MOB3B: variants seen among roughly 807,000 people sequenced by gnomAD.
MOB3B encodes the protein MOB kinase activator-like 2B.
A neutral mutation model predicts 18.7 loss-of-function variants in MOB3B; 7 were observed. That is an observed-to-expected ratio of 0.37 (90% CI 0.21 to 0.70). MOB3B has a LOEUF of 0.70. Ranked by LOEUF, MOB3B falls within the 30% of genes least tolerant of loss-of-function variation. The pLI, the probability that MOB3B is intolerant of heterozygous loss-of-function variation, is 0.52. For missense variants in MOB3B, 253 were observed against 281.3 expected (o/e 0.90, Z 0.72); for synonymous variants, 111 against 99.9 (o/e 1.11, Z -0.66).
intron 2 of MOB3B, among the ~76,000 whole-genome samples, chr9:27,391,139 C>T (rs549828966): frequency 7.9e-5 from 12 of 152,210 alleles, no homozygotes; most frequent in Non-Finnish European, 1.6e-4. Context: ...ACCCTTTACT[C>T]ACACCTACTC....
intron 2 of MOB3B, among the ~76,000 whole-genome samples, chr9:27,441,810 G>A (rs1266126449): frequency 6.6e-6 from 1 of 152,008 alleles, no homozygotes; most frequent in African/African-American, 2.4e-5. Flanking sequence ...TGCCTACTAG[G>A]TACAAAGGAC....
intron 2 of MOB3B, among the ~76,000 whole-genome samples, chr9:27,374,962 T>C (rs1313340461): frequency 6.6e-6 from 1 of 152,242 alleles, no homozygotes; most frequent in Non-Finnish European, 1.5e-5. Flanking sequence ...CACTTCTGGC[T>C]AGGTGGCCTT....
At chr9:27,525,090 C>T in intron 1 of MOB3B, 1 of 738,074 alleles carries the variant, frequency 1.4e-6, no homozygotes, top group Non-Finnish European at 2.1e-6. Context: ...AGCCTCGGAA[C>T]ATCAGGGACA....
intron 2 of MOB3B, among the ~76,000 whole-genome samples, chr9:27,418,320 C>T (rs183619834): frequency 2.5e-3 from 381 of 152,074 alleles, no homozygotes; most frequent in Non-Finnish European, 4.6e-3. Flanking sequence ...AAGGTACCCT[C>T]CCTAATTCAC....
intron 1 of MOB3B, among the ~76,000 whole-genome samples, chr9:27,515,373 C>T (rs1374554288): frequency 1.3e-5 from 2 of 152,148 alleles, no homozygotes; most frequent in Non-Finnish European, 2.9e-5. Context: ...GACAATGTGG[C>T]CTCAGACAGA....
chr9:27,343,013 T>G (rs1488078673), intron 3 of MOB3B, among the ~76,000 whole-genome samples: 2 of 151,588 alleles, frequency 1.3e-5, no homozygotes, highest in Non-Finnish European at 2.9e-5. Flanking sequence ...CGGGCCATGA[T>G]GACGATGGTG....
chr9:27,373,910 A>T (rs1295457357), intron 2 of MOB3B, among the ~76,000 whole-genome samples: 1 of 152,240 alleles, frequency 6.6e-6, no homozygotes, highest in Non-Finnish European at 1.5e-5. Flanking sequence ...AATGAACCCA[A>T]CTTGATGAGT....
intron 2 of MOB3B, among the ~76,000 whole-genome samples, chr9:27,390,924 C>A (rs1054103271): frequency 6.6e-6 from 1 of 152,180 alleles, no homozygotes; most frequent in African/African-American, 2.4e-5. Context: ...CACTGAGAAA[C>A]TGGCAGTCTA....
At chr9:27,345,701 A>G (rs777784531) in intron 3 of MOB3B, among the ~76,000 whole-genome samples, 11 of 152,226 alleles carry the variant, frequency 7.2e-5, no homozygotes, top group Non-Finnish European at 1.5e-4. Context: ...CTCTTGAGCT[A>G]CAGCAGCACC....
In MOB3B at chr9:27,326,495, A is replaced by G. The variant is rs1014504454; in HGVS notation, c.*4092T>C. On this transcript the variant is annotated 3_prime_UTR_variant, in exon 4 of 4. Transcript: ENST00000262244. ...AATACTTCAGCTCGAGTTGAATGGA[A>G]TTCAAGATGTTGTGGAGGGTTCAGT... The G allele has an allele frequency of 5.0e-6, 2 of 398,494 alleles. No individual in the cohort carries two copies. The highest frequency in any genetic ancestry group is 8.8e-6 in the Non-Finnish European group (2 of 226,050). The allele number at this position is 398,494 out of a possible 1,614,324, so 24.7% of individuals were successfully genotyped here.
intron 1 of MOB3B, among the ~76,000 whole-genome samples, chr9:27,484,534 A>G (rs573035138): frequency 9.0e-4 from 137 of 152,354 alleles, no homozygotes; most frequent in African/African-American, 3.1e-3. Flanking sequence ...CTTTAAATAA[A>G]AAGCATAAAG....
intron 1 of MOB3B, among the ~76,000 whole-genome samples, chr9:27,515,711 G>A (rs1820221547): frequency 6.6e-6 from 1 of 152,080 alleles, no homozygotes; most frequent in Non-Finnish European, 1.5e-5. Context: ...AAGACCTACA[G>A]TTAAACACTT....
chr9:27,356,806 T>A (rs1459364596), intron 3 of MOB3B, among the ~76,000 whole-genome samples: 1 of 152,104 alleles, frequency 6.6e-6, no homozygotes, highest in African/African-American at 2.4e-5. Flanking sequence ...TTCCTCTCTG[T>A]CCTTGACATT....
chr9:27,448,314 CA>C (rs1822725628), intron 2 of MOB3B, among the ~76,000 whole-genome samples: 1 of 152,130 alleles, frequency 6.6e-6, no homozygotes, highest in South Asian at 2.1e-4. Flanking sequence ...TGACATAATG[CA>C]GGTGTATTAG....
chr9:27,370,174 AT>A (rs1218485359), intron 2 of MOB3B, among the ~76,000 whole-genome samples: 4 of 152,132 alleles, frequency 2.6e-5, no homozygotes, highest in Non-Finnish European at 5.9e-5. Context: ...TGATTAGGTC[AT>A]GAAGGCAGAC....
chr9:27,516,936 C>T (rs1292329987), intron 1 of MOB3B, among the ~76,000 whole-genome samples: 1 of 152,184 alleles, frequency 6.6e-6, no homozygotes, highest in Non-Finnish European at 1.5e-5. Context: ...TTGTCTATAA[C>T]AGAACTCACC....
chr9:27,429,663 A>G (rs993309849), intron 2 of MOB3B, among the ~76,000 whole-genome samples: 1 of 152,096 alleles, frequency 6.6e-6, no homozygotes, highest in Non-Finnish European at 1.5e-5. Context: ...ATCTGGGAAA[A>G]GGAGTACTCA....
At chr9:27,364,431 G>C (rs1046901739) in intron 2 of MOB3B, among the ~76,000 whole-genome samples, 1 of 152,178 alleles carries the variant, frequency 6.6e-6, no homozygotes, top group East Asian at 1.9e-4. Context: ...CAAAAATGCT[G>C]TTTTCATAGA....
chr9:27,375,026 G>C (rs991114241), intron 2 of MOB3B, among the ~76,000 whole-genome samples: 1 of 152,188 alleles, frequency 6.6e-6, no homozygotes, highest in African/African-American at 2.4e-5. Context: ...CCACCATGGG[G>C]CCACCCCAGA....
Sources: allele counts gnomAD v4.1 joint callset (sites outside exome capture counted in the v4.1 genomes callset), GRCh38; gene constraint gnomAD v4.1.1; transcripts MANE v1.5; gene names NCBI Gene and HGNC (gene_info 2026-07-23, HGNC 2026-07-21).